LDB2: variants seen among roughly 807,000 people sequenced by gnomAD.
LDB2 encodes LIM domain-binding protein 2.
A neutral mutation model predicts 44.3 loss-of-function variants in LDB2; 12 were observed. The ratio of observed to expected loss-of-function variants is 0.27; its 90% CI spans 0.17 to 0.44. LDB2 has a LOEUF of 0.44. Ranked by LOEUF, LDB2 falls within the 20% of genes least tolerant of loss-of-function variation. The pLI, the probability that LDB2 is intolerant of heterozygous loss-of-function variation, is 1.00. For synonymous variants in LDB2, 164 were observed against 174.8 expected (o/e 0.94, Z 0.49); for missense variants, 344 against 473.5 (o/e 0.73, Z 2.54).
intron 5 of LDB2, among the ~76,000 whole-genome samples, chr4:16,563,091 A>G (rs1238393360): frequency 6.6e-6 from 1 of 151,930 alleles, no homozygotes; most frequent in Non-Finnish European, 1.5e-5. Context: ...GGGGAGGGAT[A>G]GCATTAGGAG....
intron 2 of LDB2, among the ~76,000 whole-genome samples, chr4:16,700,546 T>C (rs1753211020): frequency 6.6e-6 from 1 of 152,212 alleles, no homozygotes; most frequent in Admixed American, 6.5e-5. Context: ...TATGTTATAT[T>C]TATTCTGTTT....
intron 1 of LDB2, chr4:16,888,771 A>G: frequency 1.1e-6 from 1 of 933,902 alleles, no homozygotes; most frequent in East Asian, 1.2e-4. Flanking sequence ...ATCATATACC[A>G]GGCATTATAC....
chr4:16,545,320 C>T (rs1156572512), intron 5 of LDB2, among the ~76,000 whole-genome samples: 1 of 152,092 alleles, frequency 6.6e-6, no homozygotes, highest in Non-Finnish European at 1.5e-5. Context: ...CCTTGGGTTT[C>T]CTCCTGATAC....
Position 16,512,047 on chromosome 4 carries a change from G to A in LDB2, c.673C>T (p.Leu225Phe). ...GTCTTCAGGCAGTCTCGGGGACTGA[G>A]GTTGTAAGTTTTATGTCTCGACATC... ...ELMSRHKTYNLSPRDCLKTCL... is the reference protein window; with the variant it reads ...ELMSRHKTYNFSPRDCLKTCL... The change falls in exon 6 of 8, where the codon CTC becomes TTC. Residue 225 changes from leucine to phenylalanine, a missense_variant. By Grantham distance (22) the Leu-to-Phe change is conservative. Around this residue, in one of 3 missense-constraint regions of LDB2, gnomAD observed 86 missense variants for 171.2 expected, o/e 0.50. Coordinates refer to ENST00000304523, the MANE Select transcript of LDB2 (RefSeq NM_001290.5). The A allele has an allele frequency of 6.2e-7, 1 of 1,613,670 alleles. No individual in the cohort carries two copies. Among genetic ancestry groups the A allele is most frequent in the Non-Finnish European group, 8.5e-7 (1 of 1,179,740 alleles).
intron 2 of LDB2, among the ~76,000 whole-genome samples, chr4:16,639,197 G>C (rs1734471693): frequency 6.6e-6 from 1 of 152,154 alleles, no homozygotes; most frequent in South Asian, 2.1e-4. Flanking sequence ...TAGGTAAAAT[G>C]TTTCTGATGT....
At chr4:16,786,644 G>T (rs1347626102) in intron 1 of LDB2, among the ~76,000 whole-genome samples, 1 of 152,182 alleles carries the variant, frequency 6.6e-6, no homozygotes, top group Non-Finnish European at 1.5e-5. Context: ...CACATAGTTG[G>T]CACAGACATT....
intron 1 of LDB2, among the ~76,000 whole-genome samples, chr4:16,852,839 T>C (rs894716883): frequency 6.6e-6 from 1 of 152,194 alleles, no homozygotes; most frequent in East Asian, 1.9e-4. Context: ...TTTTAAGTAA[T>C]AGTGGTTACT....
chr4:16,781,286 G>A (rs746950614), intron 1 of LDB2, among the ~76,000 whole-genome samples: 8 of 152,326 alleles, frequency 5.3e-5, no homozygotes, highest in South Asian at 4.1e-4. Flanking sequence ...GCTGTCATGC[G>A]CGGCAGTTTC....
Position 16,795,878 on chromosome 4 carries a change from C to T in LDB2, c.133-36618G>A, listed in dbSNP as rs553230850. ...GATAGACAAATGCTATTGCTATAGTCCCACTTAGCAAATTGGATCCCATGG... is the reference window on the plus strand; with the variant it reads ...GATAGACAAATGCTATTGCTATAGTTCCACTTAGCAAATTGGATCCCATGG... On this transcript the variant is annotated intron_variant, in intron 1 of 7. Coordinates refer to ENST00000304523, the MANE Select transcript of LDB2 (RefSeq NM_001290.5). 1.8e-4 allele frequency among the ~76,000 whole-genome samples: 27 copies of T among 152,222 alleles called. No homozygotes were observed. The East Asian group carries it at 4.6e-3, about 26-fold the overall frequency.
chr4:16,697,220 C>T (rs1003023456), intron 2 of LDB2, among the ~76,000 whole-genome samples: 5 of 149,204 alleles, frequency 3.4e-5, no homozygotes, highest in Admixed American at 6.7e-5. Context: ...ATCAGGAGAT[C>T]GAGACCATCC....
chr4:16,723,092 G>A (rs1223742977), intron 2 of LDB2, among the ~76,000 whole-genome samples: 1 of 152,184 alleles, frequency 6.6e-6, no homozygotes, highest in Non-Finnish European at 1.5e-5. Context: ...GTTTAATATA[G>A]CATGTAAGCT....
intron 1 of LDB2, among the ~76,000 whole-genome samples, chr4:16,803,993 G>A (rs1028234114): frequency 6.6e-6 from 1 of 152,202 alleles, no homozygotes; most frequent in Non-Finnish European, 1.5e-5. Context: ...TCAGATTTCT[G>A]AAGACTGTAA....
At chr4:16,600,634 A>G (rs368061376) in intron 2 of LDB2, among the ~76,000 whole-genome samples, 1 of 152,168 alleles carries the variant, frequency 6.6e-6, no homozygotes, top group Admixed American at 6.5e-5. Context: ...ATTCATAGCT[A>G]ATTGAGCTGT....
intron 1 of LDB2, among the ~76,000 whole-genome samples, chr4:16,839,613 AG>A (rs1181615233): frequency 1.3e-5 from 2 of 152,192 alleles, no homozygotes; most frequent in South Asian, 4.1e-4. Flanking sequence ...AATTTTCCCA[AG>A]TTAAGTAATC....
At chr4:16,530,456 T>C (rs1013804693) in intron 5 of LDB2, among the ~76,000 whole-genome samples, 2 of 152,210 alleles carry the variant, frequency 1.3e-5, no homozygotes, top group Non-Finnish European at 2.9e-5. Context: ...TGGGCAAATA[T>C]CAGTTTGCCC....
chr4:16,575,891 C>T (rs2152408687), intron 5 of LDB2, among the ~76,000 whole-genome samples: 1 of 152,338 alleles, frequency 6.6e-6, no homozygotes. Flanking sequence ...CACCTGCCAT[C>T]ACGCCTGGCT....
chr4:16,776,755 G>A (rs555571594), intron 1 of LDB2, among the ~76,000 whole-genome samples: 1 of 152,320 alleles, frequency 6.6e-6, no homozygotes, highest in Non-Finnish European at 1.5e-5. Flanking sequence ...AAGCAGTAAA[G>A]CAGAAAATGA....
intron 2 of LDB2, among the ~76,000 whole-genome samples, chr4:16,680,458 T>C (rs975859826): frequency 6.6e-6 from 1 of 152,206 alleles, no homozygotes; most frequent in Non-Finnish European, 1.5e-5. Context: ...TGTGAGCTAT[T>C]AATAGTAAAA....
At chr4:16,689,425 G>A (rs377026686) in intron 2 of LDB2, among the ~76,000 whole-genome samples, 12 of 152,216 alleles carry the variant, frequency 7.9e-5, no homozygotes, top group East Asian at 3.9e-4. Context: ...TTATGTAAAC[G>A]TTTCATGATG....
Sources: gnomAD v4.1 joint callset for allele counts (sites outside exome capture counted in the v4.1 genomes callset) on GRCh38, gnomAD v4.1.1 for gene constraint, gnomAD v4.1.1 regional missense constraint, MANE v1.5 for transcripts, NCBI Gene and HGNC (gene_info 2026-07-23, HGNC 2026-07-21) for gene names.